Variants in LINGO2 observed in about 807,000 individuals in gnomAD.
LINGO2 encodes the protein leucine rich repeat and Ig domain containing 2.
Under a neutral mutation model 30.6 loss-of-function variants are expected in LINGO2, and 14 were observed. The ratio of observed to expected loss-of-function variants is 0.46; its 90% confidence interval spans 0.30 to 0.72. LINGO2 has a LOEUF of 0.72. LINGO2 is among the 30% of genes least tolerant of loss of function. LINGO2 has a pLI of 0.07. For missense variants in LINGO2, 729 were observed against 751.7 expected (o/e 0.97, Z 0.35); for synonymous variants, 317 against 288.5 (o/e 1.10, Z -1.00).
At chr9:28,034,007 T>G (rs1349638157) in intron 4 of LINGO2, among the ~76,000 whole-genome samples, 1 of 152,214 alleles carries the variant, frequency 6.6e-6, no homozygotes, top group East Asian at 1.9e-4. Flanking sequence ...TCTGTAGGTC[T>G]CCCTTCTAAG....
the LINGO2 span, among the ~76,000 whole-genome samples, chr9:29,064,745 T>C: frequency 6.6e-6 from 1 of 152,214 alleles, no homozygotes; most frequent in African/African-American, 2.4e-5. Context: ...TTGATAAAAA[T>C]GATTATATCA....
the LINGO2 span, among the ~76,000 whole-genome samples, chr9:28,871,836 T>G: frequency 6.6e-6 from 1 of 152,022 alleles, no homozygotes; most frequent in East Asian, 1.9e-4. Flanking sequence ...ATATGAATAC[T>G]AGTACTTATC....
At chr9:28,908,207 A>G in the LINGO2 span, among the ~76,000 whole-genome samples, 9 of 151,580 alleles carry the variant, frequency 5.9e-5, no homozygotes, top group Non-Finnish European at 1.2e-4. Flanking sequence ...CACTGCTGTG[A>G]TAGTACAATC....
intron 1 of LINGO2, among the ~76,000 whole-genome samples, chr9:28,554,066 G>A (rs1034989736): frequency 2.0e-5 from 3 of 152,018 alleles, no homozygotes; most frequent in East Asian, 1.9e-4. Flanking sequence ...AAAGAACATC[G>A]AGACTAGGAA....
At chr9:28,246,154 G>A (rs566289544) in intron 4 of LINGO2, among the ~76,000 whole-genome samples, 57 of 152,086 alleles carry the variant, frequency 3.7e-4, no homozygotes, top group African/African-American at 1.3e-3. Flanking sequence ...TGCCAGGCAC[G>A]GTGGCTCATG....
chr9:28,071,122 C>T (rs1345582992), intron 4 of LINGO2, among the ~76,000 whole-genome samples: 2 of 152,282 alleles, frequency 1.3e-5, no homozygotes, highest in Admixed American at 6.5e-5. Context: ...GCCTTACATG[C>T]ACTTATAGCG....
intron 4 of LINGO2, among the ~76,000 whole-genome samples, chr9:28,228,767 CAAAAT>C (rs1821257150): frequency 6.6e-6 from 1 of 151,380 alleles, no homozygotes; most frequent in South Asian, 2.1e-4. Context: ...ATTCTTAAAA[CAAAAT>C]AATACTTTAA....
intron 4 of LINGO2, among the ~76,000 whole-genome samples, chr9:28,181,477 A>G (rs1378749394): frequency 6.6e-6 from 1 of 152,112 alleles, no homozygotes; most frequent in Non-Finnish European, 1.5e-5. Context: ...AGAAATGCAA[A>G]TTCTCAGGTC....
At chr9:28,841,600 G>C in the LINGO2 span, among the ~76,000 whole-genome samples, 1 of 151,552 alleles carries the variant, frequency 6.6e-6, no homozygotes, top group South Asian at 2.1e-4. Flanking sequence ...TAGTATACCA[G>C]AAGATGACAA....
At chr9:28,357,715 G>T (rs1336681191) in intron 3 of LINGO2, among the ~76,000 whole-genome samples, 1 of 152,004 alleles carries the variant, frequency 6.6e-6, no homozygotes, top group Non-Finnish European at 1.5e-5. Context: ...GTATTCTATA[G>T]AATCACTAAC....
At chr9:28,530,015 A>G (rs1821168575) in intron 1 of LINGO2, among the ~76,000 whole-genome samples, 1 of 152,060 alleles carries the variant, frequency 6.6e-6, no homozygotes, top group African/African-American at 2.4e-5. Context: ...TCGTGTTATG[A>G]TTAAGGTTGG....
chr9:29,178,307 C>T, the LINGO2 span, among the ~76,000 whole-genome samples: 1 of 152,202 alleles, frequency 6.6e-6, no homozygotes, highest in Admixed American at 6.5e-5. Context: ...CTGCCCACCT[C>T]CGCCTCCCAA....
At chr9:29,053,420 G>T in the LINGO2 span, among the ~76,000 whole-genome samples, 4 of 152,236 alleles carry the variant, frequency 2.6e-5, no homozygotes, top group African/African-American at 9.6e-5. Flanking sequence ...TATGGGTGGG[G>T]GGAAGGGGGA....
the LINGO2 span, among the ~76,000 whole-genome samples, chr9:28,691,346 G>C: frequency 6.6e-6 from 1 of 152,000 alleles, no homozygotes; most frequent in Non-Finnish European, 1.5e-5. Context: ...CTCACCCTTG[G>C]GTAAAGTTGA....
chr9:28,223,528 C>A (rs1334728060), intron 4 of LINGO2, among the ~76,000 whole-genome samples: 1 of 152,172 alleles, frequency 6.6e-6, no homozygotes, highest in Non-Finnish European at 1.5e-5. Flanking sequence ...GCATTTGAAA[C>A]CACAGCAGCA....
chr9:28,153,454 C>G (rs1828052801), intron 4 of LINGO2, among the ~76,000 whole-genome samples: 1 of 152,110 alleles, frequency 6.6e-6, no homozygotes, highest in Admixed American at 6.5e-5. Flanking sequence ...GAGCCTAGAA[C>G]ATTACCTACT....
chr9:29,042,132 A>G, the LINGO2 span, among the ~76,000 whole-genome samples: 1 of 152,028 alleles, frequency 6.6e-6, no homozygotes, highest in Non-Finnish European at 1.5e-5. Flanking sequence ...AAAATAAGAA[A>G]AAAATGTGAC....
the LINGO2 span, among the ~76,000 whole-genome samples, chr9:29,031,573 G>A: frequency 1.9e-3 from 283 of 152,140 alleles, 1 homozygote; most frequent in African/African-American, 6.4e-3. Context: ...GTGAGCCACC[G>A]CACCCAGCTG....
chr9:28,380,709 T>C (rs1483726245), intron 2 of LINGO2, among the ~76,000 whole-genome samples: 5 of 152,166 alleles, frequency 3.3e-5, no homozygotes, highest in Middle Eastern at 3.4e-3. Flanking sequence ...TTAAAAGAGA[T>C]AGTATAAACA....
Sources: allele counts gnomAD v4.1 joint callset (sites outside exome capture counted in the v4.1 genomes callset), GRCh38; gene constraint gnomAD v4.1.1; transcripts MANE v1.5; gene names NCBI Gene and HGNC (gene_info 2026-07-23, HGNC 2026-07-21).